Variants in SPATA6 observed in about 807,000 individuals in gnomAD.
SPATA6 encodes spermatogenesis associated 6.
A neutral mutation model predicts 65.3 loss-of-function variants in SPATA6; 56 were observed. That is an observed-to-expected ratio of 0.86 (90% CI 0.69 to 1.07). The LOEUF is 1.07. SPATA6 is among the 50% of genes least tolerant of loss of function. SPATA6 has a pLI of 0.00. For missense variants in SPATA6, 590 were observed against 594.8 expected (o/e 0.99, Z 0.08); for synonymous variants, 199 against 213.2 (o/e 0.93, Z 0.58).
intron 4 of SPATA6, among the ~76,000 whole-genome samples, chr1:48,412,096 A>G (rs1369968388): frequency 1.3e-5 from 2 of 152,110 alleles, no homozygotes; most frequent in Non-Finnish European, 2.9e-5. Context: ...TCCTGACCTC[A>G]TGATCTGCCC....
chr1:48,359,864 T>C, intron 9 of SPATA6, 94 bp from the exon 10 acceptor site: 1 of 969,206 alleles, frequency 1.0e-6, no homozygotes, highest in Non-Finnish European at 1.4e-6. Context: ...AGTAGTCATA[T>C]GCATGTGCAC....
chr1:48,316,836 G>GA (rs1360010137), intron 11 of SPATA6, among the ~76,000 whole-genome samples: 4 of 151,806 alleles, frequency 2.6e-5, no homozygotes, highest in African/African-American at 7.3e-5. Flanking sequence ...AAATTTACAA[G>GA]AAAAAAACAA....
At chr1:48,372,223 C>A (rs1647357523) in intron 9 of SPATA6, among the ~76,000 whole-genome samples, 1 of 152,130 alleles carries the variant, frequency 6.6e-6, no homozygotes, top group African/African-American at 2.4e-5. Flanking sequence ...GCCTGTAAAA[C>A]CAAGAACAAG....
intron 3 of SPATA6, among the ~76,000 whole-genome samples, chr1:48,421,979 G>A (rs533724803): frequency 5.3e-5 from 8 of 152,088 alleles, no homozygotes; most frequent in Non-Finnish European, 1.2e-4. Context: ...TAAATATGCA[G>A]GAATATGAAT....
At chr1:48,291,582 G>C (rs112575943), downstream of SPATA6, among the ~76,000 whole-genome samples, 2,245 of 152,072 alleles carry the variant, frequency 0.015, 47 homozygotes, top group African/African-American at 0.05. Flanking sequence ...CACTCCCTCT[G>C]TGCCCACCTG....
intron 9 of SPATA6, among the ~76,000 whole-genome samples, chr1:48,380,264 G>A (rs1648408154): frequency 6.6e-6 from 1 of 152,094 alleles, no homozygotes. Flanking sequence ...TAACTACTAT[G>A]TACCTACATG....
At chr1:48,409,581 G>A (rs1652023665) in intron 5 of SPATA6, among the ~76,000 whole-genome samples, 3 of 152,234 alleles carry the variant, frequency 2.0e-5, no homozygotes, top group Non-Finnish European at 4.4e-5. Flanking sequence ...GGCTGCCCTA[G>A]CAGAGGTTCT....
intron 9 of SPATA6, among the ~76,000 whole-genome samples, chr1:48,364,712 G>A (rs1416277900): frequency 6.6e-5 from 10 of 152,176 alleles, no homozygotes; most frequent in Admixed American, 1.3e-4. Flanking sequence ...TTTGGCAGAT[G>A]AGTAGGTTGC....
chr1:48,282,527 C>T, the SPATA6 span, among the ~76,000 whole-genome samples: 9 of 152,118 alleles, frequency 5.9e-5, no homozygotes, highest in African/African-American at 1.4e-4. Flanking sequence ...GGGCAAAGGA[C>T]ATGAACAGAC....
At chr1:48,267,752 G>GTTGTTT in the SPATA6 span, among the ~76,000 whole-genome samples, 1 of 72,676 alleles carries the variant, frequency 1.4e-5, no homozygotes, top group African/African-American at 5.6e-5. Flanking sequence ...TAGGGTCTGG[G>GTTGTTT]TTTTTTTTTT....
At chr1:48,456,733 T>C (rs1410273242) in intron 1 of SPATA6, among the ~76,000 whole-genome samples, 2 of 151,984 alleles carry the variant, frequency 1.3e-5, no homozygotes, top group African/African-American at 4.8e-5. Flanking sequence ...AGTGCCAAAA[T>C]TAAATTAAAA....
At chr1:48,393,572 A>T (rs1267791908) in intron 8 of SPATA6, among the ~76,000 whole-genome samples, 1 of 152,174 alleles carries the variant, frequency 6.6e-6, no homozygotes, top group Non-Finnish European at 1.5e-5. Flanking sequence ...TAATATTATT[A>T]TATCATTGTT....
At chr1:48,406,583 T>C (rs1651728997) in intron 5 of SPATA6, among the ~76,000 whole-genome samples, 1 of 152,184 alleles carries the variant, frequency 6.6e-6, no homozygotes, top group Admixed American at 6.5e-5. Context: ...CCAGGCAAGG[T>C]ACTGTGTTAA....
chr1:48,332,447 TA>T (rs1449350495), intron 11 of SPATA6, among the ~76,000 whole-genome samples: 1 of 152,152 alleles, frequency 6.6e-6, no homozygotes, highest in Non-Finnish European at 1.5e-5. Context: ...TAATTTCAGA[TA>T]AAAGAGAATT....
intron 3 of SPATA6, among the ~76,000 whole-genome samples, chr1:48,449,289 A>G (rs1656343845): frequency 6.6e-6 from 1 of 152,220 alleles, no homozygotes; most frequent in African/African-American, 2.4e-5. Context: ...GCGCCTTATA[A>G]TGGAGGAATC....
chr1:48,282,107 G>C, the SPATA6 span, among the ~76,000 whole-genome samples: 2 of 152,182 alleles, frequency 1.3e-5, no homozygotes, highest in East Asian at 3.8e-4. Context: ...TTAATAGATG[G>C]TGCTGGGAAA....
chr1:48,414,318 C>T lies in SPATA6; in HGVS notation c.239-1167G>A, dbSNP rs890104313. ...AGAGAAAAGAAACCATTTTGAAGTA[C>T]GTCAGAGCATTCCATTCTTAACAAA... On this transcript the variant is annotated intron_variant, in intron 3 of 12. Transcript: ENST00000371847. Among the ~76,000 whole-genome samples the T allele has an allele frequency of 3.3e-5, 5 of 152,172 alleles. 1 individual carries two copies. The highest frequency in any genetic ancestry group is 7.2e-5 in the African/African-American group (3 of 41,438).
chr1:48,415,834 A>C (rs1652723330), intron 3 of SPATA6, among the ~76,000 whole-genome samples: 1 of 152,184 alleles, frequency 6.6e-6, no homozygotes, highest in Non-Finnish European at 1.5e-5. Flanking sequence ...AGGTCAGAGA[A>C]GAGCAAGGAG....
At chr1:48,471,929 C>CG (rs1467896962) in intron 1 of SPATA6, 29 bp downstream of exon 1, 36 of 1,604,468 alleles carry the variant, frequency 2.2e-5, no homozygotes, top group Non-Finnish European at 2.6e-5. Context: ...AGCCAATGCC[C>CG]GGGGGTGGGA....
Sources: gnomAD v4.1 joint callset for allele counts (sites outside exome capture counted in the v4.1 genomes callset) on GRCh38, gnomAD v4.1.1 for gene constraint, MANE v1.5 for transcripts, NCBI Gene and HGNC (gene_info 2026-07-23, HGNC 2026-07-21) for gene names.